VEGFC: variants seen among roughly 807,000 people sequenced by gnomAD.
VEGFC encodes the protein vascular endothelial growth factor C.
In VEGFC, 12 loss-of-function variants were observed where a neutral mutation model predicts 46.1. The ratio of observed to expected loss-of-function variants is 0.26; its 90% CI spans 0.17 to 0.42. The LOEUF (loss-of-function observed/expected upper bound fraction) is 0.42, where lower values mean the gene tolerates loss of function less well. Among genes scored for constraint, VEGFC ranks in the 10% least tolerant of loss-of-function variants. The pLI is 1.00. For synonymous variants in VEGFC, 232 were observed against 195.5 expected (o/e 1.19, Z -1.56); for missense variants, 488 against 529.4 (o/e 0.92, Z 0.77).
intron 1 of VEGFC, among the ~76,000 whole-genome samples, chr4:176,748,784 T>C (rs1409187678): frequency 6.6e-6 from 1 of 151,912 alleles, no homozygotes; most frequent in Non-Finnish European, 1.5e-5. Context: ...AAGAAGTTTC[T>C]GAATATATTT....
At chr4:176,729,383 T>C in intron 2 of VEGFC, 150 bp downstream of exon 2, 1 of 630,712 alleles carries the variant, frequency 1.6e-6, no homozygotes, top group East Asian at 3.0e-5. Flanking sequence ...TCATAAAATG[T>C]TGTATTTTGA....
intron 1 of VEGFC, among the ~76,000 whole-genome samples, chr4:176,736,624 T>C (rs1735059059): frequency 6.6e-6 from 1 of 151,870 alleles, no homozygotes; most frequent in African/African-American, 2.4e-5. Flanking sequence ...TTAAGTATTT[T>C]GAAGTTTAAA....
At position 176,792,374 on chromosome 4, in the gene VEGFC, C is replaced by A. The variant is rs1736115307; in HGVS notation, c.-63G>T. The A allele has an allele frequency of 7.6e-7, 1 of 1,314,658 alleles. No homozygotes were observed. Among genetic ancestry groups the A allele is most frequent in the South Asian group, 1.7e-5 (1 of 57,744 alleles). The allele number at this position is 1,314,658 out of a possible 1,614,324, so 81.4% of individuals were successfully genotyped here. A position where few individuals can be genotyped will look rare whatever the true frequency, so the allele number is the denominator to read the frequency against. On this transcript the variant is annotated 5_prime_UTR_variant, in exon 1 of 7. Coordinates refer to ENST00000618562, the MANE Select transcript of VEGFC (RefSeq NM_005429.5). This position sits in a 1 kb window ranked among gnomAD's most constrained non-coding sequence, Gnocchi z 6.3. ...GGGGGCAGGGGTGGGGGCGCGGGCG[C>A]CCCTGCGAGGCCGCGGGCCCCTCCT...
At chr4:176,726,841 C>T (rs2111015166) in intron 3 of VEGFC, among the ~76,000 whole-genome samples, 1 of 152,240 alleles carries the variant, frequency 6.6e-6, no homozygotes, top group African/African-American at 2.4e-5. Context: ...AAATCTAACA[C>T]CACATCTTTC....
intron 3 of VEGFC, among the ~76,000 whole-genome samples, chr4:176,714,146 T>C (rs566212602): frequency 6.6e-6 from 1 of 152,348 alleles, no homozygotes; most frequent in South Asian, 2.1e-4. Context: ...TGTTGAAATG[T>C]GATTCCCAAT....
intron 6 of VEGFC, among the ~76,000 whole-genome samples, chr4:176,685,686 T>G (rs1180079463): frequency 6.6e-6 from 1 of 151,958 alleles, no homozygotes; most frequent in Non-Finnish European, 1.5e-5. Context: ...AGTATCTATA[T>G]CCTTCTGAAA....
At chr4:176,768,510 A>ATATATATATATATATG (rs1462880083) in intron 1 of VEGFC, among the ~76,000 whole-genome samples, 2 of 145,378 alleles carry the variant, frequency 1.4e-5, no homozygotes, top group African/African-American at 2.5e-5. Flanking sequence ...ATATATATAT[A>ATATATATATATATATG]TATTTCAAAT....
chr4:176,719,738 A>G (rs557024794), intron 3 of VEGFC, among the ~76,000 whole-genome samples: 14 of 152,308 alleles, frequency 9.2e-5, no homozygotes, highest in Non-Finnish European at 2.1e-4. Context: ...TAATGGGTGT[A>G]CCACATGCAC....
chr4:176,739,044 T>A (rs1485484482), intron 1 of VEGFC, among the ~76,000 whole-genome samples: 1 of 151,036 alleles, frequency 6.6e-6, no homozygotes, highest in Non-Finnish European at 1.5e-5. Context: ...GACAAACATA[T>A]GAAATAAAAG....
At chr4:176,694,552 C>A (rs1300375576) in intron 4 of VEGFC, among the ~76,000 whole-genome samples, 1 of 151,890 alleles carries the variant, frequency 6.6e-6, no homozygotes, top group Non-Finnish European at 1.5e-5. Flanking sequence ...CACCCACTGT[C>A]AACATTAGAC....
At chr4:176,714,582 T>A (rs1734667689) in intron 3 of VEGFC, among the ~76,000 whole-genome samples, 1 of 152,202 alleles carries the variant, frequency 6.6e-6, no homozygotes, top group Non-Finnish European at 1.5e-5. Flanking sequence ...ATAGTGAAGG[T>A]AAGGCACTAT....
At chr4:176,736,563 C>T (rs1458897724) in intron 1 of VEGFC, among the ~76,000 whole-genome samples, 1 of 151,608 alleles carries the variant, frequency 6.6e-6, no homozygotes, top group African/African-American at 2.4e-5. Flanking sequence ...ATGCTTAGTA[C>T]ACGTAACACT....
intron 1 of VEGFC, among the ~76,000 whole-genome samples, chr4:176,791,601 T>TC (rs201533462): frequency 0.049 from 7,484 of 152,146 alleles, 575 homozygotes; most frequent in African/African-American, 0.17. Flanking sequence ...GACTCTAATC[T>TC]CCCGTTACAT....
intron 4 of VEGFC, among the ~76,000 whole-genome samples, chr4:176,699,956 T>A (rs3775195): frequency 0.019 from 2,899 of 152,190 alleles, 99 homozygotes; most frequent in African/African-American, 0.066. Flanking sequence ...CTGTTTGCTC[T>A]TGTTCCATTA....
chr4:176,758,546 T>C (rs1271136171), intron 1 of VEGFC, among the ~76,000 whole-genome samples: 2 of 152,132 alleles, frequency 1.3e-5, no homozygotes, highest in African/African-American at 4.8e-5. Flanking sequence ...AATGTGGTTA[T>C]CAATCTCGAT....
Position 176,727,913 on chromosome 4 carries a change from A to G in VEGFC, c.417T>C (p.Asp139=). ...TCGCGACTCCAAACTCCTTCCCCAC[A>G]TCTATACACACCTCCCGTGGCATGC... ...TQCMPREVCI[D]VGKEFGVATN... Residue 139 remains aspartate, a synonymous_variant, in exon 3 of 7, where the codon GAT becomes GAC. Transcript: ENST00000618562. 6.2e-7 allele frequency: 1 copy of G among 1,613,830 alleles called. No homozygotes were observed. Among genetic ancestry groups the G allele is most frequent in the Non-Finnish European group, 8.5e-7 (1 of 1,179,860 alleles).
rs902478510 is a variant in VEGFC at position 176,687,343 on chromosome 4, GC to G, written c.988del (p.Ala330ProfsTer24). 6.2e-7 allele frequency: 1 copy of G among 1,613,942 alleles called. No homozygotes were observed. The highest frequency in any genetic ancestry group is 8.5e-7 in the Non-Finnish European group (1 of 1,180,026). On this transcript the variant is annotated frameshift_variant, in exon 6 of 7. Coordinates refer to ENST00000618562, the MANE Select transcript of VEGFC (RefSeq NM_005429.5). LOFTEE classifies it high-confidence loss of function. ...TGTGTTTTCATCAAATTCTCGGTTG[GC>G]CCCACATTGGCTGGGGAAGAGTTTG... is the stretch of plus-strand genomic sequence containing the variant. Reference protein sequence around the residue: ...KNKLFPSQCGANREFDENTCQ... With the variant: ...KNKLFPSQCGXNREFDENTCQ...
intron 1 of VEGFC, among the ~76,000 whole-genome samples, chr4:176,754,383 A>C (rs2110899661): frequency 6.6e-6 from 1 of 152,098 alleles, no homozygotes; most frequent in South Asian, 2.1e-4. Context: ...GAAATGTCCA[A>C]AATGGTTTTC....
rs41278571 is a variant in VEGFC, at chr4:176,729,712, C to T, written c.182G>A (p.Arg61Gln). The T allele has an allele frequency of 0.011, 17,144 of 1,605,938 alleles. 169 individuals carry two copies. Among genetic ancestry groups the T allele is most frequent in the Non-Finnish European group, 0.011 (12,666 of 1,176,078 alleles). Residue 61 changes from arginine to glutamine, a missense_variant, in exon 2 of 7, where the codon CGG becomes CAG. By Grantham distance (43) the Arg-to-Gln change is conservative. Transcript: ENST00000618562. ...YASKDLEEQL[R>Q]SVSSVDELMT... ...GAGTTCATCTACACTGGACACAGACCGTAACTGCTCCTCCAGATCTTTGCT... is the reference window on the plus strand; with the variant it reads ...GAGTTCATCTACACTGGACACAGACTGTAACTGCTCCTCCAGATCTTTGCT...
Sources: gnomAD v4.1 joint callset for allele counts (sites outside exome capture counted in the v4.1 genomes callset) on GRCh38, gnomAD v4.1.1 for gene constraint, Gnocchi (gnomAD v3.1) non-coding constraint, MANE v1.5 for transcripts, NCBI Gene and HGNC (gene_info 2026-07-23, HGNC 2026-07-21) for gene names.